DENND1A: variants seen among roughly 807,000 people sequenced by gnomAD.
DENND1A encodes DENN domain containing 1A, also known as DENN domain-containing protein 1A.
In DENND1A, 51 loss-of-function variants were observed where a neutral mutation model predicts 113.7. The observed-to-expected ratio is 0.45, with a 90% confidence interval of 0.36 to 0.57. The LOEUF (loss-of-function observed/expected upper bound fraction) is 0.57. Ranked by LOEUF, DENND1A falls within the 20% of genes least tolerant of loss-of-function variation. The pLI, the probability that DENND1A is intolerant of heterozygous loss-of-function variation, is 0.00. For missense variants in DENND1A, 1,258 were observed against 1,395.9 expected (o/e 0.90, Z 1.57); for synonymous variants, 565 against 570.8 (o/e 0.99, Z 0.14).
intron 3 of DENND1A, among the ~76,000 whole-genome samples, chr9:123,773,954 GTGGCT>G (rs567910807): frequency 3.6e-4 from 55 of 152,254 alleles, no homozygotes; most frequent in South Asian, 6.2e-4. Flanking sequence ...TAGCCTCTTT[GTGGCT>G]TGCTGAAAGC....
intron 13 of DENND1A, among the ~76,000 whole-genome samples, chr9:123,488,205 G>C (rs2051055267): frequency 6.6e-6 from 1 of 152,250 alleles, no homozygotes; most frequent in Non-Finnish European, 1.5e-5. Flanking sequence ...ATGGAGTCAT[G>C]ATGTGAACCC....
At chr9:123,903,053 C>T (rs1055455610) in intron 1 of DENND1A, among the ~76,000 whole-genome samples, 1 of 151,986 alleles carries the variant, frequency 6.6e-6, no homozygotes, top group African/African-American at 2.4e-5. Flanking sequence ...TGGAAAAAGG[C>T]CGGGCGCGGT....
At chr9:123,720,841 T>A (rs1200019281) in intron 5 of DENND1A, among the ~76,000 whole-genome samples, 1 of 152,244 alleles carries the variant, frequency 6.6e-6, no homozygotes, top group African/African-American at 2.4e-5. Context: ...AAGGCTAGTT[T>A]AGGCAAAATG....
intron 12 of DENND1A, among the ~76,000 whole-genome samples, chr9:123,576,674 G>A (rs1228523809): frequency 1.3e-5 from 2 of 152,090 alleles, no homozygotes; most frequent in Admixed American, 1.3e-4. Context: ...AATTTTTGTA[G>A]AGACGGGGTT....
At chr9:123,419,106 T>C (rs1356605054) in intron 19 of DENND1A, among the ~76,000 whole-genome samples, 2 of 152,184 alleles carry the variant, frequency 1.3e-5, no homozygotes, top group African/African-American at 2.4e-5. Context: ...AGGAGCGGTA[T>C]AGGTGAGAAA....
intron 21 of DENND1A, among the ~76,000 whole-genome samples, chr9:123,396,867 T>C (rs1171258550): frequency 1.3e-5 from 2 of 152,122 alleles, no homozygotes; most frequent in East Asian, 3.8e-4. Context: ...CTGGTGAGGG[T>C]ATAAGGTGGT....
chr9:123,791,564 T>C (rs1378505317), intron 3 of DENND1A, among the ~76,000 whole-genome samples: 1 of 152,190 alleles, frequency 6.6e-6, no homozygotes, highest in Non-Finnish European at 1.5e-5. Flanking sequence ...TCCAGTTCTA[T>C]TCCTGGTCAC....
intron 1 of DENND1A, among the ~76,000 whole-genome samples, chr9:123,920,332 G>A (rs1215022931): frequency 6.6e-6 from 1 of 152,144 alleles, no homozygotes; most frequent in East Asian, 1.9e-4. Flanking sequence ...TCAGGAGGCT[G>A]AAGCAGAGGA....
intron 21 of DENND1A, chr9:123,401,677 A>G (rs2043474202): frequency 1.3e-6 from 2 of 1,496,744 alleles, no homozygotes; most frequent in African/African-American, 1.4e-5. Context: ...CAAACCAACC[A>G]ACCAACAAAA....
chr9:123,893,404 C>T (rs1850223579), intron 1 of DENND1A, among the ~76,000 whole-genome samples: 1 of 152,150 alleles, frequency 6.6e-6, no homozygotes, highest in Admixed American at 6.5e-5. Flanking sequence ...GTTAAAAGAC[C>T]GTCATTAGCA....
At chr9:123,690,864 T>C (rs1260027108) in intron 5 of DENND1A, among the ~76,000 whole-genome samples, 3 of 152,352 alleles carry the variant, frequency 2.0e-5, no homozygotes, top group East Asian at 1.9e-4. Context: ...ATGGGCTTTC[T>C]GGATGAAGCG....
intron 2 of DENND1A, among the ~76,000 whole-genome samples, chr9:123,817,500 C>G (rs558671310): frequency 6.6e-6 from 1 of 152,210 alleles, no homozygotes; most frequent in Non-Finnish European, 1.5e-5. Context: ...ATGAGTATTG[C>G]CCTCACAAGA....
chr9:123,786,450 C>A (rs955331607), intron 3 of DENND1A, among the ~76,000 whole-genome samples: 30 of 152,142 alleles, frequency 2.0e-4, no homozygotes, highest in Non-Finnish European at 1.6e-4. Context: ...CATTATTCCA[C>A]AAAACATCCT....
chr9:123,809,885 G>A (rs1328108891), intron 2 of DENND1A, among the ~76,000 whole-genome samples: 1 of 152,054 alleles, frequency 6.6e-6, no homozygotes, highest in Non-Finnish European at 1.5e-5. Context: ...CGGCCAGGCT[G>A]GTCTCGAACT....
chr9:123,477,478 G>C (rs569856310), intron 13 of DENND1A, among the ~76,000 whole-genome samples: 2 of 151,500 alleles, frequency 1.3e-5, no homozygotes, highest in East Asian at 2.0e-4. Context: ...TATCACTTGA[G>C]CCCGTGAGGT....
chr9:123,929,723 TCC>T (rs1857696786), intron 1 of DENND1A, among the ~76,000 whole-genome samples, 164 bp downstream of exon 1: 1 of 132,852 alleles, frequency 7.5e-6, no homozygotes, highest in Non-Finnish European at 1.6e-5. Context: ...CCCCCGCGCC[TCC>T]CTGGATCGCC....
chr9:123,414,308 T>C (rs887933315), intron 19 of DENND1A: 2 of 1,396,668 alleles, frequency 1.4e-6, no homozygotes, highest in Admixed American at 3.2e-5. Flanking sequence ...CAACAGACAT[T>C]AGCAACCATT....
At chr9:123,883,745 C>T (rs1378316208) in intron 1 of DENND1A, among the ~76,000 whole-genome samples, 1 of 152,094 alleles carries the variant, frequency 6.6e-6, no homozygotes, top group Non-Finnish European at 1.5e-5. Context: ...TCTTCTTCTA[C>T]CACTATCTGT....
In DENND1A at chr9:123,381,575, G is replaced by C; in HGVS notation, c.3070C>G (p.Gln1024Glu). Residue 1024 changes from glutamine (Q) to glutamate (E), a missense_variant, in exon 24 of 24, where the codon CAG (glutamine) becomes GAG (glutamate). Coordinates refer to ENST00000394215, the MANE Select transcript of DENND1A (RefSeq NM_001352964.2). This position sits in a 1 kb window ranked among gnomAD's most constrained non-coding sequence, Gnocchi z 4.7. ...RPPQGLEPTL[Q>E]PSAPQQARDP... ...CTGGCCTGTTGAGGAGCAGAGGGCTGCAGTGTTGGCTCCAGGCCTTGAGGG... is the reference window on the plus strand; with the variant it reads ...CTGGCCTGTTGAGGAGCAGAGGGCTCCAGTGTTGGCTCCAGGCCTTGAGGG... 6.2e-7 allele frequency: 1 copy of C among 1,613,650 alleles called. No individual in the cohort carries two copies. The highest frequency in any genetic ancestry group is 8.5e-7 in the Non-Finnish European group (1 of 1,179,972).
Sources: gnomAD v4.1 joint callset for allele counts (sites outside exome capture counted in the v4.1 genomes callset) on GRCh38, gnomAD v4.1.1 for gene constraint, Gnocchi (gnomAD v3.1) non-coding constraint, MANE v1.5 for transcripts, NCBI Gene and HGNC (gene_info 2026-07-23, HGNC 2026-07-21) for gene names.